ZNF662: variants seen among roughly 807,000 people sequenced by gnomAD.
ZNF662 encodes zinc finger protein 662.
A neutral mutation model predicts 12.4 loss-of-function variants in ZNF662; 14 were observed. The ratio of observed to expected loss-of-function variants is 1.13; its 90% CI spans 0.75 to 1.77. ZNF662 has a LOEUF of 1.77. ZNF662 is among the 40% of genes most tolerant of loss of function. The pLI is 0.00. For missense variants in ZNF662, 550 were observed against 515.6 expected, an observed-to-expected ratio of 1.07 and a Z score of -0.65; for synonymous variants, 184 against 176.4, an observed-to-expected ratio of 1.04 and a Z score of -0.34.
At position 42,914,737 on chromosome 3, in the gene ZNF662, T is replaced by C; in HGVS notation, c.664T>C (p.Cys222Arg). ...KTHNGEKVYGCKECGKAFSFR... is the reference protein window; with the variant it reads ...KTHNGEKVYGRKECGKAFSFR... Reference sequence around the variant, plus strand: ...TCATAATGGAGAGAAGGTCTATGGATGTAAGGAATGTGGGAAGGCTTTCAG... The same window carrying C: ...TCATAATGGAGAGAAGGTCTATGGACGTAAGGAATGTGGGAAGGCTTTCAG... The change falls in exon 5 of 5, where the codon TGT becomes CGT. Residue 222 changes from cysteine to arginine, a missense_variant. By Grantham distance (180) the Cys-to-Arg change is radical (BLOSUM62 -3). Transcript: ENST00000440367. 1 of 1,614,200 alleles carries C rather than the reference T, an allele frequency of 6.2e-7. No homozygotes were observed. Among genetic ancestry groups the C allele is most frequent in the Non-Finnish European group, 8.5e-7 (1 of 1,180,024 alleles).
intron 3 of ZNF662, among the ~76,000 whole-genome samples, chr3:42,911,388 A>G (rs2088787977): frequency 6.6e-6 from 1 of 152,158 alleles, no homozygotes; most frequent in South Asian, 2.1e-4. Flanking sequence ...TGGAAGGGGT[A>G]TGGGGAGACC....
At chr3:42,913,658 C>T (rs1342541092) in intron 4 of ZNF662, among the ~76,000 whole-genome samples, 1 of 152,058 alleles carries the variant, frequency 6.6e-6, no homozygotes, top group African/African-American at 2.4e-5. Flanking sequence ...TGGCCCTTAT[C>T]CTGGAAGGAC....
chr3:42,912,809 G>A lies in ZNF662; in HGVS notation c.152-392G>A, dbSNP rs1444906063. Reference sequence around the variant, plus strand: ...GGCTGGAGAGCAGTGACACAGTCTCGGCTCACTGCAACCTCTGCCTCCCGG... The same window carrying A: ...GGCTGGAGAGCAGTGACACAGTCTCAGCTCACTGCAACCTCTGCCTCCCGG... On this transcript the variant is annotated intron_variant, in intron 3 of 4. Coordinates refer to ENST00000440367, the MANE Select transcript of ZNF662 (RefSeq NM_207404.4). Among the ~76,000 whole-genome samples the A allele has an allele frequency of 4.2e-5, 6 of 142,712 alleles. No homozygotes were observed. The East Asian group carries it at 6.0e-4, about 14-fold the overall frequency. The allele number at this position is 142,712 out of a possible 152,430, so 93.6% of individuals were successfully genotyped here. A position where few individuals can be genotyped will look rare whatever the true frequency, so the allele number is the denominator to read the frequency against.
chr3:42,910,748 C>T (rs1296958347), intron 3 of ZNF662, among the ~76,000 whole-genome samples: 1 of 152,140 alleles, frequency 6.6e-6, no homozygotes, highest in African/African-American at 2.4e-5. Flanking sequence ...TTTCATCTTC[C>T]CATAGGGCTC....
In ZNF662 at chr3:42,914,824, C is replaced by G. The variant is rs2125649104; in HGVS notation, c.751C>G (p.Gln251Glu). ...IHSGVKPYEC[Q>E]ECAKAFVWKS... ...CAGTGGGGTGAAACCCTATGAATGT[C>G]AAGAATGTGCTAAGGCCTTTGTTTG... The change falls in exon 5 of 5, where the codon CAA becomes GAA. Residue 251 changes from glutamine (Q) to glutamate (E), a missense_variant. Transcript: ENST00000440367. 2 of 1,613,850 alleles carry G rather than the reference C, an allele frequency of 1.2e-6. No homozygotes were observed. Among genetic ancestry groups the G allele is most frequent in the Middle Eastern group, 3.3e-4 (2 of 6,062 alleles).
Position 42,908,013 on chromosome 3 carries a change from T to G in ZNF662, c.-93-9T>G. The G allele has an allele frequency of 1.2e-6, 2 of 1,614,076 alleles. No individual in the cohort carries two copies. The highest frequency in any genetic ancestry group is 1.1e-5 in the South Asian group (1 of 91,064). On this transcript the variant is annotated splice_polypyrimidine_tract_variant and intron_variant, in intron 1 of 4. Coordinates refer to ENST00000440367, the MANE Select transcript of ZNF662 (RefSeq NM_207404.4). ...TTGTCCTAGGGCATTTAAACACATG[T>G]TGTTTCAGGAGTCAGTGACCTTCGA...
intron 1 of ZNF662, 85 bp from the exon 2 acceptor site, chr3:42,907,937 A>G (rs2088706219): frequency 1.9e-6 from 3 of 1,546,540 alleles, no homozygotes; most frequent in Non-Finnish European, 2.6e-6. Context: ...AGGCACCCCC[A>G]CAGTACCTTT....
In ZNF662 at chr3:42,917,397, A is replaced by G. The variant is rs937543412; in HGVS notation, c.*2043A>G. On this transcript the variant is annotated 3_prime_UTR_variant, in exon 5 of 5. Coordinates refer to ENST00000440367, the MANE Select transcript of ZNF662 (RefSeq NM_207404.4). ...ATATTATCTGTCCTCTGTGTGGCAC[A>G]TAGGAAAATGTGAGACCTAGAATTA... 4.6e-6 allele frequency: 3 copies of G among 653,096 alleles called. No individual in the cohort carries two copies. The highest frequency in any genetic ancestry group is 2.7e-5 in the East Asian group (1 of 37,126). The allele number at this position is 653,096 out of a possible 1,614,324, so 40.5% of individuals were successfully genotyped here.
rs763653123 is a variant in ZNF662 at position 42,915,034 on chromosome 3, C to T, written c.961C>T (p.Arg321Ter). The T allele has an allele frequency of 1.4e-4, 224 of 1,613,908 alleles. 1 individual carries two copies. The highest frequency in any genetic ancestry group is 7.5e-4 in the Admixed American group (45 of 59,998). Reference sequence around the variant, plus strand: ...CTTTACTCGAAACCCAGCCCTTCTTCGACATCAGAGAATGCACACTGGGGA... The same window carrying T: ...CTTTACTCGAAACCCAGCCCTTCTTTGACATCAGAGAATGCACACTGGGGA... ...KSFTRNPALL[R>*]HQRMHTGEKP... Residue 321 changes from arginine to a stop codon, truncating the protein, a stop_gained, in exon 5 of 5, where the codon CGA (arginine) becomes TGA (stop). Coordinates refer to ENST00000440367, the MANE Select transcript of ZNF662 (RefSeq NM_207404.4). LOFTEE classifies it low-confidence loss of function (END_TRUNC).
rs1575417072 is a variant in ZNF662 at position 42,917,680 on chromosome 3, A to G, written c.*2326A>G. On this transcript the variant is annotated 3_prime_UTR_variant, in exon 5 of 5. Transcript: ENST00000440367. The stretch of plus-strand genomic sequence containing the variant: ...TTTCTGTTATTTGCAACTTAGCCAC[A>G]CTAATACTGTTTTGTGTTTGAAATC... The G allele has an allele frequency of 1.6e-6, 1 of 639,452 alleles. No individual in the cohort carries two copies. 39.6% of individuals were successfully genotyped at this position (639,452 alleles called of 1,614,324 possible).
intron 3 of ZNF662, among the ~76,000 whole-genome samples, chr3:42,909,701 A>G (rs2088748236): frequency 6.8e-6 from 1 of 146,424 alleles, no homozygotes; most frequent in African/African-American, 2.6e-5. Context: ...GCTGCCCCCC[A>G]CCTCCCGGAG....
At position 42,916,669 on chromosome 3, in the gene ZNF662, A is replaced by T. The variant is rs1407678107; in HGVS notation, c.*1315A>T. 6.6e-6 allele frequency: 1 copy of T among 152,142 alleles called. No homozygotes were observed. The highest frequency in any genetic ancestry group is 1.5e-5 in the Non-Finnish European group (1 of 68,044). The allele number at this position is 152,142 out of a possible 1,614,324, so 9.4% of individuals were successfully genotyped here. On this transcript the variant is annotated 3_prime_UTR_variant, in exon 5 of 5. Coordinates refer to ENST00000440367, the MANE Select transcript of ZNF662 (RefSeq NM_207404.4). ...CTCAGCTACCACGCCTGGCCAATCC[A>T]GGTCTTAAGAGACCTCATTGCCTTT...
In ZNF662 at chr3:42,914,710, A is replaced by ATGCC; in HGVS notation, c.637_638insTGCC (p.Thr213MetfsTer4). On this transcript the variant is annotated frameshift_variant, in exon 5 of 5. Transcript: ENST00000440367. LOFTEE classifies it low-confidence loss of function (END_TRUNC). ...TGAGGACTTTGATCAACACCAGAAA[A>ATGCC]CTCATAATGGAGAGAAGGTCTATGG... 6.2e-7 allele frequency: 1 copy of ATGCC among 1,614,136 alleles called. No individual in the cohort carries two copies. The highest frequency in any genetic ancestry group is 8.5e-7 in the Non-Finnish European group (1 of 1,180,014).
At chr3:42,910,304 A>G (rs1205447392) in intron 3 of ZNF662, among the ~76,000 whole-genome samples, 13 of 152,196 alleles carry the variant, frequency 8.5e-5, no homozygotes, top group Non-Finnish European at 1.8e-4. Flanking sequence ...TGGCGGCAGT[A>G]CAGTCCAGCC....
In ZNF662 at chr3:42,914,413, G is replaced by A; in HGVS notation, c.340G>A (p.Gly114Arg). The A allele has an allele frequency of 1.2e-6, 2 of 1,613,954 alleles. No individual in the cohort carries two copies. Among genetic ancestry groups the A allele is most frequent in the Admixed American group, 3.3e-5 (2 of 59,992 alleles). The change falls in exon 5 of 5, where the codon GGA (glycine) becomes AGA (arginine). Residue 114 changes from glycine (G) to arginine (R), a missense_variant. Transcript: ENST00000440367. Reference sequence around the variant, plus strand: ...ACAGGACCTCATGGTCCTATCAAGTGGACCCCAGTGGTGTGGATCCCAGGA... The same window carrying A: ...ACAGGACCTCATGGTCCTATCAAGTAGACCCCAGTGGTGTGGATCCCAGGA... ...EAQDLMVLSS[G>R]PQWCGSQELW...
intron 3 of ZNF662, among the ~76,000 whole-genome samples, chr3:42,912,753 T>A (rs1324905985): frequency 7.8e-6 from 1 of 128,314 alleles, no homozygotes; most frequent in Non-Finnish European, 1.6e-5. Context: ...ATATATATAT[T>A]TTTTGAGACA....
rs1207353382 is a variant in ZNF662, at chr3:42,906,359, C to G, written c.-94+191C>G. 1 of 1,528,334 alleles carries G rather than the reference C, an allele frequency of 6.5e-7. No individual in the cohort carries two copies. The highest frequency in any genetic ancestry group is 1.2e-5 in the South Asian group (1 of 83,246). 94.7% of individuals were successfully genotyped at this position (1,528,334 alleles called of 1,614,324 possible). On this transcript the variant is annotated intron_variant, in intron 1 of 4. Coordinates refer to ENST00000440367, the MANE Select transcript of ZNF662 (RefSeq NM_207404.4). The surrounding 1 kb of genome is among the most constrained non-coding windows in gnomAD (Gnocchi z 4.4). ...CAGAGGGCGACCTGGGCTATGGCGG[C>G]CGTGGCGCTGGCGAGCGGGACACGC...
At chr3:42,913,844 T>C (rs1252124007) in intron 4 of ZNF662, among the ~76,000 whole-genome samples, 1 of 152,098 alleles carries the variant, frequency 6.6e-6, no homozygotes, top group Admixed American at 6.5e-5. Context: ...GGTGCTTGGA[T>C]TGAAAGAGAA....
chr3:42,910,037 C>G (rs1482047928), intron 3 of ZNF662, among the ~76,000 whole-genome samples: 3 of 152,148 alleles, frequency 2.0e-5, no homozygotes, highest in Non-Finnish European at 4.4e-5. Flanking sequence ...GCCGAGATCA[C>G]GCCACTGCAC....
Sources: gnomAD v4.1 joint callset for allele counts (sites outside exome capture counted in the v4.1 genomes callset) on GRCh38, gnomAD v4.1.1 for gene constraint, Gnocchi (gnomAD v3.1) non-coding constraint, MANE v1.5 for transcripts, NCBI Gene and HGNC (gene_info 2026-07-23, HGNC 2026-07-21) for gene names.